DLGAP2: variants seen among roughly 807,000 people sequenced by gnomAD.
DLGAP2 encodes DLG associated protein 2, also known as disks large-associated protein 2.
DLGAP2 carries 26 observed loss-of-function variants against 100.3 expected under a neutral mutation model. The observed-to-expected ratio is 0.26, with a 90% confidence interval of 0.19 to 0.36. The LOEUF (loss-of-function observed/expected upper bound fraction) is 0.36. Ranked by LOEUF, DLGAP2 falls within the 10% of genes least tolerant of loss-of-function variation. DLGAP2 has a pLI of 1.00. For missense variants in DLGAP2, 1,858 were observed against 1,453.2 expected, an observed-to-expected ratio of 1.28 and a Z score of -4.53; for synonymous variants, 886 against 630.1, an observed-to-expected ratio of 1.41 and a Z score of -6.08.
At chr8:1,087,068 CAAT>C (rs1430602366) in intron 2 of DLGAP2, among the ~76,000 whole-genome samples, 1 of 151,926 alleles carries the variant, frequency 6.6e-6, no homozygotes, top group Non-Finnish European at 1.5e-5. Context: ...TTTCTGACCA[CAAT>C]GATATGAAAC....
chr8:1,108,446 G>A (rs1804845560), intron 2 of DLGAP2, among the ~76,000 whole-genome samples: 1 of 152,070 alleles, frequency 6.6e-6, no homozygotes, highest in Non-Finnish European at 1.5e-5. Context: ...ATGTGAGTGA[G>A]TGCACGTGCC....
At chr8:949,700 G>A (rs1203134268) in intron 2 of DLGAP2, among the ~76,000 whole-genome samples, 1 of 152,076 alleles carries the variant, frequency 6.6e-6, no homozygotes, top group African/African-American at 2.4e-5. Flanking sequence ...CAGTGTCCCC[G>A]GTTGTCCTCA....
At chr8:1,598,883 C>G (rs1445881280) in intron 6 of DLGAP2, among the ~76,000 whole-genome samples, 1 of 151,988 alleles carries the variant, frequency 6.6e-6, no homozygotes. Context: ...CTTCTCTAAT[C>G]TGAGTTATTT....
intron 1 of DLGAP2, among the ~76,000 whole-genome samples, chr8:781,064 A>T (rs1176816385): frequency 6.6e-6 from 1 of 152,232 alleles, no homozygotes; most frequent in Non-Finnish European, 1.5e-5. Context: ...GCATGAAAAT[A>T]TGTATAGATA....
chr8:1,374,615 G>A (rs925411093), intron 3 of DLGAP2, among the ~76,000 whole-genome samples: 6 of 152,110 alleles, frequency 3.9e-5, no homozygotes, highest in Non-Finnish European at 8.8e-5. Context: ...TGTGGCAGAC[G>A]GAGAATCTGC....
intron 2 of DLGAP2, among the ~76,000 whole-genome samples, chr8:1,044,716 C>G (rs531737805): frequency 1.3e-5 from 2 of 152,218 alleles, no homozygotes; most frequent in African/African-American, 4.8e-5. Flanking sequence ...TGCTGAGCTA[C>G]TCCTTGCCAC....
At position 1,216,116 on chromosome 8, in the gene DLGAP2, G is replaced by A. The variant is rs371279430; in HGVS notation, c.74-42735G>A. Among the ~76,000 whole-genome samples, 46 of 152,336 alleles carry A rather than the reference G, an allele frequency of 3.0e-4. 1 individual carries two copies. Among genetic ancestry groups the A allele is most frequent in the African/African-American group, 1.0e-3 (42 of 41,576 alleles). On this transcript the variant is annotated intron_variant, in intron 2 of 14. Coordinates refer to ENST00000637795, the MANE Select transcript of DLGAP2 (RefSeq NM_001346810.2). ...TGTGAAAGGAGGTTCTGTTTTCTCA[G>A]TTGTAAAGGGTGTGTCTAGACAGGG...
At chr8:932,882 C>T (rs966477809) in intron 2 of DLGAP2, among the ~76,000 whole-genome samples, 5 of 152,196 alleles carry the variant, frequency 3.3e-5, no homozygotes, top group African/African-American at 1.2e-4. Flanking sequence ...GATCAGTCAG[C>T]ATTTCACATT....
intron 3 of DLGAP2, among the ~76,000 whole-genome samples, chr8:1,268,130 T>G (rs1470393794): frequency 6.6e-6 from 1 of 152,182 alleles, no homozygotes; most frequent in Non-Finnish European, 1.5e-5. Context: ...TTCTTTCTTT[T>G]TAAGAAATAA....
At chr8:927,652 T>A (rs955908600) in intron 2 of DLGAP2, among the ~76,000 whole-genome samples, 8 of 152,102 alleles carry the variant, frequency 5.3e-5, no homozygotes, top group Non-Finnish European at 1.2e-4. Flanking sequence ...GGTATGGGGT[T>A]GTTGTCGGCT....
chr8:1,278,411 C>T (rs1402896105), intron 3 of DLGAP2, among the ~76,000 whole-genome samples: 1 of 152,110 alleles, frequency 6.6e-6, no homozygotes, highest in Non-Finnish European at 1.5e-5. Context: ...AATTACTTTA[C>T]CTGTTGTTGG....
At chr8:1,453,703 C>G (rs540324771) in intron 3 of DLGAP2, among the ~76,000 whole-genome samples, 4 of 152,286 alleles carry the variant, frequency 2.6e-5, no homozygotes, top group African/African-American at 9.6e-5. Flanking sequence ...GGAGAATCCG[C>G]CCCATCAACT....
At chr8:837,846 A>C (rs2132711151) in intron 1 of DLGAP2, among the ~76,000 whole-genome samples, 1 of 149,240 alleles carries the variant, frequency 6.7e-6, no homozygotes, top group East Asian at 2.0e-4. Flanking sequence ...CCTCCTGAGT[A>C]GCTGGGATTA....
intron 1 of DLGAP2, among the ~76,000 whole-genome samples, chr8:792,237 C>G (rs1299978835): frequency 6.6e-6 from 1 of 152,118 alleles, no homozygotes; most frequent in Non-Finnish European, 1.5e-5. Context: ...TATTCTTTGC[C>G]CATTTTAAAA....
At chr8:1,581,409 C>T (rs918651002) in intron 6 of DLGAP2, among the ~76,000 whole-genome samples, 26 of 141,662 alleles carry the variant, frequency 1.8e-4, no homozygotes, top group African/African-American at 5.6e-4. Flanking sequence ...CAGAAAAAAC[C>T]CCACACACAT....
At chr8:1,626,585 A>G (rs1310130500) in intron 6 of DLGAP2, among the ~76,000 whole-genome samples, 155 bp from the exon 7 acceptor site, 195 of 72,216 alleles carry the variant, frequency 2.7e-3, no homozygotes, top group Non-Finnish European at 3.3e-3. Context: ...ACCCTGCAGC[A>G]GGTGCTCAGC....
At chr8:778,175 G>A (rs1241816142) in intron 1 of DLGAP2, among the ~76,000 whole-genome samples, 1 of 151,972 alleles carries the variant, frequency 6.6e-6, no homozygotes, top group Non-Finnish European at 1.5e-5. Context: ...CGTAGTTCTT[G>A]AGCCTTGGTT....
intron 1 of DLGAP2, among the ~76,000 whole-genome samples, chr8:791,031 C>G (rs938437783): frequency 6.6e-5 from 10 of 152,224 alleles, no homozygotes; most frequent in African/African-American, 2.4e-4. Context: ...GCATGAGCCA[C>G]CACGCCCGGA....
At chr8:1,418,590 C>G (rs28499013) in intron 3 of DLGAP2, among the ~76,000 whole-genome samples, 24,252 of 152,140 alleles carry the variant, frequency 0.16, 2,010 homozygotes, top group South Asian at 0.25. Context: ...TCCACTCCGA[C>G]GCCAAATAAA....
Sources: gnomAD v4.1 joint callset for allele counts (sites outside exome capture counted in the v4.1 genomes callset) on GRCh38, gnomAD v4.1.1 for gene constraint, MANE v1.5 for transcripts, NCBI Gene and HGNC (gene_info 2026-07-23, HGNC 2026-07-21) for gene names.